The following ZDHHC14 variants were observed in gnomAD, a reference collection of about 807,000 sequenced individuals.
ZDHHC14 encodes the protein palmitoyltransferase ZDHHC14.
ZDHHC14 carries 16 observed loss-of-function variants against 47.7 expected under a neutral mutation model. The ratio of observed to expected loss-of-function variants is 0.34; its 90% CI spans 0.23 to 0.51. The LOEUF (loss-of-function observed/expected upper bound fraction) is 0.51. Ranked by LOEUF, ZDHHC14 falls within the 20% of genes least tolerant of loss-of-function variation. The probability of loss-of-function intolerance (pLI) is 0.97; values close to 1 mark genes in which losing one functional copy is unlikely to be tolerated. For missense variants in ZDHHC14, 515 were observed against 662.5 expected, an observed-to-expected ratio of 0.78 and a Z score of 2.44; for synonymous variants, 293 against 278.9, an observed-to-expected ratio of 1.05 and a Z score of -0.50.
At chr6:157,554,297 T>C (rs188053602) in intron 2 of ZDHHC14, among the ~76,000 whole-genome samples, 81 of 152,236 alleles carry the variant, frequency 5.3e-4, no homozygotes, top group African/African-American at 1.8e-3. Flanking sequence ...CAAACCCAAA[T>C]ATAACACCCT....
rs1397439307 is a variant in ZDHHC14 at position 157,450,301 on chromosome 6, T to TAAAC, written c.245+68035_245+68036insAAAC. On this transcript the variant is annotated intron_variant, in intron 1 of 8. Coordinates refer to ENST00000359775, the MANE Select transcript of ZDHHC14 (RefSeq NM_024630.3). ...AGTTATAAACATTAACAAACAAATGTGTTTAAAGAGGAATAGTTCTGAATC... is the reference window on the plus strand; with the variant it reads ...AGTTATAAACATTAACAAACAAATGTAAACGTTTAAAGAGGAATAGTTCTGAATC... Among the ~76,000 whole-genome samples, 6 of 152,162 alleles carry TAAAC rather than the reference T, an allele frequency of 3.9e-5. No homozygotes were observed. The South Asian group carries it at 8.3e-4, about 21-fold the overall frequency.
At chr6:157,397,959 G>A (rs2114742582) in intron 1 of ZDHHC14, among the ~76,000 whole-genome samples, 1 of 152,206 alleles carries the variant, frequency 6.6e-6, no homozygotes, top group South Asian at 2.1e-4. Context: ...TGCCAGGGGA[G>A]AGAGAGAGAA....
At chr6:157,620,739 A>G (rs1004898903) in intron 3 of ZDHHC14, among the ~76,000 whole-genome samples, 5 of 152,210 alleles carry the variant, frequency 3.3e-5, no homozygotes, top group African/African-American at 1.2e-4. Flanking sequence ...TCACCCGATC[A>G]GCCTGAGTGT....
At chr6:157,443,321 A>G (rs1184664407) in intron 1 of ZDHHC14, among the ~76,000 whole-genome samples, 1 of 152,064 alleles carries the variant, frequency 6.6e-6, no homozygotes, top group Non-Finnish European at 1.5e-5. Context: ...TTTATAGATT[A>G]CCCAGTCTCG....
intron 3 of ZDHHC14, among the ~76,000 whole-genome samples, chr6:157,600,872 A>G (rs1274602719): frequency 6.6e-6 from 1 of 152,220 alleles, no homozygotes; most frequent in African/African-American, 2.4e-5. Context: ...ATAAAAGGTG[A>G]CTAATCAGCT....
At chr6:157,501,296 C>A (rs1780187569) in intron 1 of ZDHHC14, among the ~76,000 whole-genome samples, 1 of 152,040 alleles carries the variant, frequency 6.6e-6, no homozygotes, top group Non-Finnish European at 1.5e-5. Flanking sequence ...TATATGGTTT[C>A]TAAATTTGTC....
At chr6:157,392,409 C>T (rs1189945052) in intron 1 of ZDHHC14, among the ~76,000 whole-genome samples, 2 of 151,948 alleles carry the variant, frequency 1.3e-5, no homozygotes, top group Non-Finnish European at 2.9e-5. Flanking sequence ...CTTTGAAGCT[C>T]TTCTCTGATC....
Position 157,502,717 on chromosome 6 carries a change from G to T in ZDHHC14, c.246-39868G>T, listed in dbSNP as rs1323270080. Among the ~76,000 whole-genome samples, 2 of 152,064 alleles carry T rather than the reference G, an allele frequency of 1.3e-5. No individual in the cohort carries two copies. Among genetic ancestry groups the T allele is most frequent in the Non-Finnish European group, 2.9e-5 (2 of 68,012 alleles). Reference sequence around the variant, plus strand: ...TTTGTTTGTTTGTTTTTTAGACAGGGTCTTGCTCTGTCACCCAGGCTGGAG... The same window carrying T: ...TTTGTTTGTTTGTTTTTTAGACAGGTTCTTGCTCTGTCACCCAGGCTGGAG... On this transcript the variant is annotated intron_variant, in intron 1 of 8. Coordinates refer to ENST00000359775, the MANE Select transcript of ZDHHC14 (RefSeq NM_024630.3). This position sits in a 1 kb window ranked among gnomAD's most constrained non-coding sequence, Gnocchi z 4.0.
intron 2 of ZDHHC14, among the ~76,000 whole-genome samples, chr6:157,556,396 C>T (rs1275340709): frequency 6.6e-6 from 1 of 152,200 alleles, no homozygotes; most frequent in Non-Finnish European, 1.5e-5. Flanking sequence ...CACTTTACAG[C>T]TGGAAAAACT....
intron 7 of ZDHHC14, among the ~76,000 whole-genome samples, chr6:157,652,044 G>A (rs1777864349): frequency 2.0e-5 from 3 of 152,236 alleles, no homozygotes; most frequent in African/African-American, 7.2e-5. Flanking sequence ...CCTTTGAAGG[G>A]AGGGTTGCAA....
At chr6:157,665,466 G>C (rs775227572) in intron 8 of ZDHHC14, among the ~76,000 whole-genome samples, 4 of 152,202 alleles carry the variant, frequency 2.6e-5, no homozygotes, top group Non-Finnish European at 5.9e-5. Context: ...AGGAGAGAAA[G>C]GCTGGTGGGA....
At chr6:157,506,759 C>T (rs940589407) in intron 1 of ZDHHC14, among the ~76,000 whole-genome samples, 3 of 152,118 alleles carry the variant, frequency 2.0e-5, no homozygotes, top group Non-Finnish European at 4.4e-5. Flanking sequence ...TTAATGTGAG[C>T]TATTGTCTAT....
chr6:157,447,469 G>C (rs1778702996), intron 1 of ZDHHC14, among the ~76,000 whole-genome samples: 1 of 152,236 alleles, frequency 6.6e-6, no homozygotes, highest in African/African-American at 2.4e-5. Context: ...CGCTGCTTGG[G>C]GTAGGCACCC....
At chr6:157,598,530 A>C (rs746738731) in intron 3 of ZDHHC14, among the ~76,000 whole-genome samples, 2 of 152,206 alleles carry the variant, frequency 1.3e-5, no homozygotes, top group African/African-American at 4.8e-5. Flanking sequence ...CTCAAGGCAG[A>C]CAGTATTGTA....
At chr6:157,628,213 A>T in intron 3 of ZDHHC14, 136 bp from the exon 4 acceptor site, 1 of 898,224 alleles carries the variant, frequency 1.1e-6, no homozygotes, top group Non-Finnish European at 1.6e-6. Context: ...CTGAGTGGTT[A>T]ATTTGGAAAT....
At chr6:157,642,631 C>G (rs1777308563) in intron 5 of ZDHHC14, among the ~76,000 whole-genome samples, 1 of 152,154 alleles carries the variant, frequency 6.6e-6, no homozygotes, top group African/African-American at 2.4e-5. Context: ...GATTTGAAAC[C>G]CATCCTCGAT....
intron 2 of ZDHHC14, among the ~76,000 whole-genome samples, chr6:157,559,728 A>G (rs1232278859): frequency 6.6e-6 from 1 of 152,196 alleles, no homozygotes; most frequent in African/African-American, 2.4e-5. Flanking sequence ...CCCATTATAA[A>G]TGTTTTGTCC....
At chr6:157,541,594 G>A (rs9456450) in intron 1 of ZDHHC14, among the ~76,000 whole-genome samples, 92,087 of 151,982 alleles carry the variant, frequency 0.61, 29,241 homozygotes, top group African/African-American at 0.81. Context: ...TCCTAATTCC[G>A]TGATTCTGCG....
intron 1 of ZDHHC14, among the ~76,000 whole-genome samples, chr6:157,542,383 G>C (rs35501849): frequency 0.39 from 59,365 of 151,896 alleles, 11,707 homozygotes; most frequent in Admixed American, 0.45. Flanking sequence ...CTGGGGAGTG[G>C]GGGTTCAATT....
Sources: allele counts gnomAD v4.1 joint callset (sites outside exome capture counted in the v4.1 genomes callset), GRCh38; gene constraint gnomAD v4.1.1; non-coding constraint Gnocchi (gnomAD v3.1); transcripts MANE v1.5; gene names NCBI Gene and HGNC (gene_info 2026-07-23, HGNC 2026-07-21).